Variants in FHIT observed in about 807,000 individuals in gnomAD.
FHIT encodes the protein fragile histidine triad diadenosine triphosphatase.
Under a neutral mutation model 17.9 loss-of-function variants are expected in FHIT, and 19 were observed. The ratio of observed to expected loss-of-function variants is 1.06; its 90% confidence interval spans 0.74 to 1.56. FHIT has a LOEUF of 1.56. Ranked by LOEUF, FHIT falls within the 40% of genes most tolerant of loss-of-function variation. FHIT has a pLI of 0.00. For synonymous variants in FHIT, 81 were observed against 69.7 expected, an observed-to-expected ratio of 1.16 and a Z score of -0.81; for missense variants, 248 against 189.2, an observed-to-expected ratio of 1.31 and a Z score of -1.82.
intron 5 of FHIT, among the ~76,000 whole-genome samples, chr3:60,436,750 G>A (rs2030288487): frequency 6.6e-6 from 1 of 152,074 alleles, no homozygotes; most frequent in South Asian, 2.1e-4. Context: ...ACAGATCTGA[G>A]CCAAAAGAGG....
At chr3:60,225,078 C>G (rs28387016) in intron 5 of FHIT, among the ~76,000 whole-genome samples, 10 of 152,114 alleles carry the variant, frequency 6.6e-5, no homozygotes, top group African/African-American at 1.7e-4. Flanking sequence ...GTCTTCCCCC[C>G]AAGCTAGGTA....
chr3:60,485,222 A>G (rs1373241637), intron 5 of FHIT, among the ~76,000 whole-genome samples: 2 of 152,198 alleles, frequency 1.3e-5, no homozygotes, highest in South Asian at 4.1e-4. Flanking sequence ...AAATTAATTC[A>G]ACCTCTGTGG....
At chr3:60,236,385 T>C (rs1704797685) in intron 5 of FHIT, among the ~76,000 whole-genome samples, 1 of 151,580 alleles carries the variant, frequency 6.6e-6, no homozygotes, top group African/African-American at 2.4e-5. Flanking sequence ...AAAGGAATGA[T>C]GAATGAAGCA....
chr3:60,017,698 T>C (rs1283486359), intron 5 of FHIT, among the ~76,000 whole-genome samples: 1 of 152,190 alleles, frequency 6.6e-6, no homozygotes, highest in African/African-American at 2.4e-5. Flanking sequence ...GAACTGACTA[T>C]CTCTCTTTTT....
intron 3 of FHIT, among the ~76,000 whole-genome samples, chr3:60,873,047 A>G (rs1704479229): frequency 6.6e-6 from 1 of 152,088 alleles, no homozygotes; most frequent in Non-Finnish European, 1.5e-5. Flanking sequence ...TGAATGATGA[A>G]AAAACTTGTA....
At chr3:59,949,700 T>A (rs55649496) in intron 7 of FHIT, among the ~76,000 whole-genome samples, 1 of 152,162 alleles carries the variant, frequency 6.6e-6, no homozygotes, top group Non-Finnish European at 1.5e-5. Flanking sequence ...AACCTGGGGC[T>A]CACATTTGGC....
At chr3:60,827,258 GAAAC>G (rs1486284940) in intron 3 of FHIT, among the ~76,000 whole-genome samples, 6 of 152,110 alleles carry the variant, frequency 3.9e-5, no homozygotes, top group Admixed American at 1.3e-4. Context: ...TGTTTAAAAA[GAAAC>G]AACCAAACCT....
chr3:60,724,512 G>A (rs2041874319), intron 4 of FHIT, among the ~76,000 whole-genome samples: 1 of 152,028 alleles, frequency 6.6e-6, no homozygotes. Context: ...TGGAATTTCT[G>A]GGTCATACAT....
chr3:60,304,570 T>G (rs1490740901), intron 5 of FHIT, among the ~76,000 whole-genome samples: 1 of 152,168 alleles, frequency 6.6e-6, no homozygotes, highest in African/African-American at 2.4e-5. Context: ...AGCACTTATC[T>G]TTTATCATCA....
At chr3:60,219,369 T>C (rs578030256) in intron 5 of FHIT, among the ~76,000 whole-genome samples, 3 of 152,262 alleles carry the variant, frequency 2.0e-5, no homozygotes, top group African/African-American at 7.2e-5. Flanking sequence ...GTAACAAGTA[T>C]TATAAATAAT....
chr3:60,635,135 C>G (rs2039548468), intron 4 of FHIT, among the ~76,000 whole-genome samples: 1 of 152,198 alleles, frequency 6.6e-6, no homozygotes, highest in Non-Finnish European at 1.5e-5. Context: ...ACTAAAAGGA[C>G]AGCAGGCAGT....
chr3:60,749,164 C>T (rs1553716165), intron 4 of FHIT, among the ~76,000 whole-genome samples: 1 of 152,120 alleles, frequency 6.6e-6, no homozygotes. Flanking sequence ...TTCTTCAAGG[C>T]TATAAAACTC....
At chr3:61,178,103 C>T (rs928003624) in intron 2 of FHIT, among the ~76,000 whole-genome samples, 4 of 152,138 alleles carry the variant, frequency 2.6e-5, no homozygotes, top group Admixed American at 6.5e-5. Flanking sequence ...ACCTGCTTAA[C>T]GTTAATCACG....
intron 5 of FHIT, among the ~76,000 whole-genome samples, chr3:60,516,832 G>A (rs768913096): frequency 2.6e-5 from 4 of 152,156 alleles, no homozygotes; most frequent in Non-Finnish European, 4.4e-5. Flanking sequence ...GGGATCACTT[G>A]AGCGAAAGTG....
At chr3:60,569,875 A>G (rs2037314710) in intron 4 of FHIT, among the ~76,000 whole-genome samples, 1 of 150,730 alleles carries the variant, frequency 6.6e-6, no homozygotes, top group Non-Finnish European at 1.5e-5. Flanking sequence ...CCTCATATAT[A>G]GCTGCTTTAT....
intron 2 of FHIT, among the ~76,000 whole-genome samples, chr3:61,129,344 G>A (rs1055430190): frequency 1.7e-4 from 26 of 152,144 alleles, no homozygotes; most frequent in Admixed American, 7.9e-4. Context: ...TTTTTATCCC[G>A]TCTGGTTTTT....
intron 7 of FHIT, among the ~76,000 whole-genome samples, chr3:59,974,729 A>C (rs1039323248): frequency 1.3e-5 from 2 of 152,130 alleles, no homozygotes; most frequent in Admixed American, 1.3e-4. Context: ...AACTCACACT[A>C]TAAGCTGAAA....
At chr3:60,558,548 TCTC>T (rs2036822189) in intron 4 of FHIT, among the ~76,000 whole-genome samples, 1 of 151,856 alleles carries the variant, frequency 6.6e-6, no homozygotes, top group African/African-American at 2.4e-5. Context: ...ATTATTTACT[TCTC>T]CTCTTGCACA....
intron 8 of FHIT, among the ~76,000 whole-genome samples, chr3:59,768,963 G>A (rs566267497): frequency 8.2e-4 from 125 of 152,238 alleles, no homozygotes; most frequent in African/African-American, 3.0e-3. Context: ...AAGAATCAGG[G>A]TAGACAGCCT....
Sources: allele counts gnomAD v4.1 joint callset (sites outside exome capture counted in the v4.1 genomes callset), GRCh38; gene constraint gnomAD v4.1.1; transcripts MANE v1.5; gene names NCBI Gene and HGNC (gene_info 2026-07-23, HGNC 2026-07-21).